PCAT7: variants seen among roughly 807,000 people sequenced by gnomAD.
PCAT7 encodes the protein prostate cancer associated transcript 7, also known as prostate cancer associated transcript 7 (non-protein coding).
At chr9:94,559,907 C>T (rs1410116013) in intron 2 of PCAT7, among the ~76,000 whole-genome samples, 2 of 152,074 alleles carry the variant, frequency 1.3e-5, no homozygotes, top group East Asian at 1.9e-4. Context: ...GCAAAAGGAT[C>T]GCTTGAGTCC....
intron 2 of PCAT7, among the ~76,000 whole-genome samples, chr9:94,566,816 T>C (rs982188989): frequency 3.3e-5 from 5 of 152,250 alleles, no homozygotes; most frequent in African/African-American, 1.2e-4. Context: ...CTGAACTTGA[T>C]GGAGCTTATG....
chr9:94,568,389 C>T (rs79849403), intron 2 of PCAT7: 12,558 of 152,182 alleles, frequency 0.083, 564 homozygotes, highest in South Asian at 0.16. Flanking sequence ...CTCAAATACC[C>T]CTATGTCTAG....
At chr9:94,567,342 G>C in intron 2 of PCAT7, 1 of 1,614,140 alleles carries the variant, frequency 6.2e-7, no homozygotes, top group Non-Finnish European at 8.5e-7. Flanking sequence ...CCTCATTCAG[G>C]CTGTAAATCT....
exon 2 of PCAT7, chr9:94,559,043 G>C: frequency 6.2e-7 from 1 of 1,614,070 alleles, no homozygotes; most frequent in African/African-American, 1.3e-5. Context: ...CGGGCTTCAC[G>C]TCCAGTACAG....
chr9:94,561,355 T>A (rs1225109761), intron 2 of PCAT7, among the ~76,000 whole-genome samples: 4 of 62,548 alleles, frequency 6.4e-5, no homozygotes, highest in Non-Finnish European at 1.6e-4. Flanking sequence ...GACCTGTATT[T>A]TTTTTTTTTT....
At chr9:94,565,167 C>T (rs1381712882) in intron 2 of PCAT7, among the ~76,000 whole-genome samples, 3 of 151,938 alleles carry the variant, frequency 2.0e-5, no homozygotes, top group Non-Finnish European at 1.5e-5. Context: ...TGTGGTCAGG[C>T]GTTCAAGACC....
At chr9:94,565,770 T>TGATA (rs34303194) in intron 2 of PCAT7, among the ~76,000 whole-genome samples, 67 of 148,152 alleles carry the variant, frequency 4.5e-4, no homozygotes, top group East Asian at 4.4e-3. Flanking sequence ...GATACATAGA[T>TGATA]GATAGATAGA....
At chr9:94,573,414 AC>A (rs1827288140) in intron 3 of PCAT7, among the ~76,000 whole-genome samples, 1 of 151,660 alleles carries the variant, frequency 6.6e-6, no homozygotes, top group Non-Finnish European at 1.5e-5. Context: ...ATGCACTACC[AC>A]CCCCCTCTCC....
intron 2 of PCAT7, chr9:94,571,730 G>T: frequency 1.2e-6 from 1 of 830,670 alleles, no homozygotes; most frequent in Non-Finnish European, 1.8e-6. Context: ...TTAAGCTGCT[G>T]CAAATCCATC....
chr9:94,560,382 A>G (rs1165635952), intron 2 of PCAT7, among the ~76,000 whole-genome samples: 2 of 152,094 alleles, frequency 1.3e-5, no homozygotes, highest in African/African-American at 4.8e-5. Context: ...TTTTAGGTCT[A>G]TTTCTGTGAT....
At chr9:94,571,552 A>G in intron 2 of PCAT7, 1 of 1,613,858 alleles carries the variant, frequency 6.2e-7, no homozygotes, top group Non-Finnish European at 8.5e-7. Flanking sequence ...CGGCCACAAT[A>G]TTGCGGCCAC....
intron 2 of PCAT7, chr9:94,567,442 A>T: frequency 6.4e-7 from 1 of 1,574,006 alleles, no homozygotes; most frequent in Non-Finnish European, 8.6e-7. Flanking sequence ...GGAAGAAGAG[A>T]GAAGCCAGGA....
intron 2 of PCAT7, chr9:94,559,172 G>A (rs889979160): frequency 6.4e-7 from 1 of 1,573,868 alleles, no homozygotes; most frequent in Non-Finnish European, 8.7e-7. Flanking sequence ...CTCTGCAAGT[G>A]GCCAAATGTC....
chr9:94,573,907 A>G (rs1300764853), intron 3 of PCAT7, among the ~76,000 whole-genome samples: 1 of 152,136 alleles, frequency 6.6e-6, no homozygotes, highest in African/African-American at 2.4e-5. Context: ...AATATTTGTT[A>G]TGTTTTTCCA....
At chr9:94,559,397 T>C (rs1010170441) in intron 2 of PCAT7, among the ~76,000 whole-genome samples, 1 of 152,222 alleles carries the variant, frequency 6.6e-6, no homozygotes, top group African/African-American at 2.4e-5. Context: ...CTTGTGCTTA[T>C]GAGAGACCTG....
At chr9:94,563,419 C>A in intron 2 of PCAT7, 1 of 1,614,084 alleles carries the variant, frequency 6.2e-7, no homozygotes, top group Non-Finnish European at 8.5e-7. Flanking sequence ...ACGTCAGCCA[C>A]CATGGAGCCC....
At chr9:94,557,347 G>A (rs190574200) in intron 1 of PCAT7, among the ~76,000 whole-genome samples, 2 of 152,280 alleles carry the variant, frequency 1.3e-5, no homozygotes, top group East Asian at 1.9e-4. Flanking sequence ...TCTAGTGCAT[G>A]GACATGGGAT....
At chr9:94,570,658 A>G (rs1392339034) in intron 2 of PCAT7, 1 of 152,250 alleles carries the variant, frequency 6.6e-6, no homozygotes, top group Non-Finnish European at 1.5e-5. Flanking sequence ...TTGGGGCATT[A>G]GCAAACTGAC....
intron 3 of PCAT7, among the ~76,000 whole-genome samples, chr9:94,573,254 T>C (rs1321386297): frequency 5.3e-5 from 8 of 152,228 alleles, no homozygotes; most frequent in Admixed American, 4.6e-4. Flanking sequence ...ATTTCTTGTT[T>C]TCTAAGACTT....
Sources: allele counts gnomAD v4.1 joint callset (sites outside exome capture counted in the v4.1 genomes callset), GRCh38; gene constraint gnomAD v4.1.1; transcripts MANE v1.5; gene names NCBI Gene and HGNC (gene_info 2026-07-23, HGNC 2026-07-21).